Variants in SLC12A4 observed in about 807,000 individuals in gnomAD.
SLC12A4 encodes electroneutral potassium-chloride cotransporter 1.
In SLC12A4, 84 loss-of-function variants were observed where a neutral mutation model predicts 119.2. The ratio of observed to expected loss-of-function variants is 0.70; its 90% CI spans 0.59 to 0.85. The LOEUF is 0.85. Ranked by LOEUF, SLC12A4 falls within the 40% of genes least tolerant of loss-of-function variation. The pLI is 0.00. For synonymous variants in SLC12A4, 599 were observed against 604.6 expected (o/e 0.99, Z 0.14); for missense variants, 1,298 against 1,476.3 (o/e 0.88, Z 1.98).
At position 67,950,300 on chromosome 16, in the gene SLC12A4, G is replaced by A. The variant is rs1410874334; in HGVS notation, c.1629+19C>T. Reference sequence around the variant, plus strand: ...GGCCTGGGAGCAGCCAGGCCATGGGGGAGTGCAGAGGGGCTCACCCGGAGG... The same window carrying A: ...GGCCTGGGAGCAGCCAGGCCATGGGAGAGTGCAGAGGGGCTCACCCGGAGG... On this transcript the variant is annotated intron_variant, in intron 12 of 23. Transcript: ENST00000316341. This position sits in a 1 kb window ranked among gnomAD's most constrained non-coding sequence, Gnocchi z 4.3. 1.2e-6 allele frequency: 2 copies of A among 1,611,178 alleles called. No homozygotes were observed. The highest frequency in any genetic ancestry group is 1.7e-6 in the Non-Finnish European group (2 of 1,178,654).
At position 67,943,488 on chromosome 16, in the gene SLC12A4, C is replaced by A; in HGVS notation, c.*1352G>T. 1.9e-6 allele frequency: 1 copy of A among 540,378 alleles called. No individual in the cohort carries two copies. The highest frequency in any genetic ancestry group is 3.4e-6 in the Non-Finnish European group (1 of 298,336). The allele number at this position is 540,378 out of a possible 1,614,324, so 33.5% of individuals were successfully genotyped here. The stretch of plus-strand genomic sequence containing the variant: ...CAGAGCAAACACCCAGTCTGGCGCT[C>A]CTTTATTGCCAAAGTCCAAGGTGGG... On this transcript the variant is annotated 3_prime_UTR_variant, in exon 24 of 24. Transcript: ENST00000316341. This position sits in a 1 kb window ranked among gnomAD's most constrained non-coding sequence, Gnocchi z 4.6.
Position 67,943,873 on chromosome 16 carries a change from G to T in SLC12A4, c.*967C>A, listed in dbSNP as rs2058310679. 4.3e-6 allele frequency: 6 copies of T among 1,397,272 alleles called. No homozygotes were observed. The South Asian group carries it at 6.9e-5, about 16-fold the overall frequency. The allele number at this position is 1,397,272 out of a possible 1,614,324, so 86.6% of individuals were successfully genotyped here. ...ATGCAGGGCAGAAGGGCTTTGGCCAGGTCAGCTGCCAGGGGCTGGGGCCCA... is the reference window on the plus strand; with the variant it reads ...ATGCAGGGCAGAAGGGCTTTGGCCATGTCAGCTGCCAGGGGCTGGGGCCCA... On this transcript the variant is annotated 3_prime_UTR_variant, in exon 24 of 24. Coordinates refer to ENST00000316341, the MANE Select transcript of SLC12A4 (RefSeq NM_005072.5). This position sits in a 1 kb window ranked among gnomAD's most constrained non-coding sequence, Gnocchi z 4.6.
rs779541244 is a variant in SLC12A4, at chr16:67,951,235, G to A, written c.1202C>T (p.Ala401Val). Residue 401 changes from alanine to valine, a missense_variant, in exon 9 of 24, where the codon GCC (alanine) becomes GTC (valine). Coordinates refer to ENST00000316341, the MANE Select transcript of SLC12A4 (RefSeq NM_005072.5). The surrounding 1 kb of genome is among the most constrained non-coding windows in gnomAD (Gnocchi z 5.2). The part of the protein sequence containing the change: ...VEKHGLPSAD[A>V]PSLKESLPLY... Reference sequence around the variant, plus strand: ...AGGCAGGCTCTCCTTCAGGCTCGGGGCATCTGCGGAGGGCAGCCCATGCTT... The same window carrying A: ...AGGCAGGCTCTCCTTCAGGCTCGGGACATCTGCGGAGGGCAGCCCATGCTT... The A allele has an allele frequency of 6.2e-7, 1 of 1,614,096 alleles. No homozygotes were observed. The highest frequency in any genetic ancestry group is 1.3e-5 in the African/African-American group (1 of 75,038).
At position 67,950,983 on chromosome 16, in the gene SLC12A4, T is replaced by C; in HGVS notation, c.1375A>G (p.Ile459Val). The change falls in exon 10 of 24, where the codon ATC (isoleucine) becomes GTC (valine). Residue 459 changes from isoleucine (I) to valine (V), a missense_variant. Physicochemically the swap from Ile to Val is conservative, Grantham distance 29 (BLOSUM62 3). Coordinates refer to ENST00000316341, the MANE Select transcript of SLC12A4 (RefSeq NM_005072.5). This position sits in a 1 kb window ranked among gnomAD's most constrained non-coding sequence, Gnocchi z 4.3. The stretch of plus-strand genomic sequence containing the variant: ...ATACACACGAGGGAAGTTGTAATGA[T>C]GGCCAGAATGGTCCCCACAGGGATA... ...KSIPVGTILA[I>V]ITTSLVYFSS... 1 of 1,613,778 alleles carries C rather than the reference T, an allele frequency of 6.2e-7. No homozygotes were observed. Among genetic ancestry groups the C allele is most frequent in the Non-Finnish European group, 8.5e-7 (1 of 1,179,966 alleles).
Position 67,943,529 on chromosome 16 carries a change from G to C in SLC12A4, c.*1311C>G. 1 of 516,456 alleles carries C rather than the reference G, an allele frequency of 1.9e-6. No individual in the cohort carries two copies. The highest frequency in any genetic ancestry group is 3.2e-5 in the Admixed American group (1 of 31,108). The allele number at this position is 516,456 out of a possible 1,614,324, so 32.0% of individuals were successfully genotyped here. On this transcript the variant is annotated 3_prime_UTR_variant, in exon 24 of 24. Coordinates refer to ENST00000316341, the MANE Select transcript of SLC12A4 (RefSeq NM_005072.5). The surrounding 1 kb of genome is among the most constrained non-coding windows in gnomAD (Gnocchi z 4.6). ...CCAAGGTGGGAACAGATAGGTCTGG[G>C]GGCATGGGGGCTGGGCCTAATAGGG...
Position 67,950,073 on chromosome 16 carries a change from C to A in SLC12A4, c.1630-155G>T. 1 of 704,822 alleles carries A rather than the reference C, an allele frequency of 1.4e-6. No homozygotes were observed. The highest frequency in any genetic ancestry group is 1.7e-5 in the South Asian group (1 of 58,000). The allele number at this position is 704,822 out of a possible 1,614,324, so 43.7% of individuals were successfully genotyped here. ...ATGGGTGTCACCAGTCTCCCTGATT[C>A]CACCTCACCAGGCCTCTCTCCTTTG... On this transcript the variant is annotated intron_variant, in intron 12 of 23. Transcript: ENST00000316341. The surrounding 1 kb of genome is among the most constrained non-coding windows in gnomAD (Gnocchi z 4.3).
In SLC12A4 at chr16:67,968,436, C is replaced by T; in HGVS notation, c.115+3G>A. 6.4e-7 allele frequency: 1 copy of T among 1,568,672 alleles called. No homozygotes were observed. Among genetic ancestry groups the T allele is most frequent in the Non-Finnish European group, 8.6e-7 (1 of 1,164,228 alleles). ...GCCACGGCCCCTCAGAACGCGCCCT[C>T]ACCGTCCGAGTCATCCAGCTCGGCG... On this transcript the variant is annotated splice_donor_region_variant and intron_variant, in intron 1 of 23. Transcript: ENST00000316341.
Position 67,961,683 on chromosome 16 carries a change from C to T in SLC12A4, c.234G>A (p.Lys78=). 1 of 1,614,160 alleles carries T rather than the reference C, an allele frequency of 6.2e-7. No homozygotes were observed. Among genetic ancestry groups the T allele is most frequent in the Non-Finnish European group, 8.5e-7 (1 of 1,180,012 alleles). The change falls in exon 3 of 24, where the codon AAG becomes AAA. Residue 78 remains lysine (K), a synonymous_variant. Coordinates refer to ENST00000316341, the MANE Select transcript of SLC12A4 (RefSeq NM_005072.5). The part of the protein sequence containing the change: ...LFEEELDIRP[K]VSSLLGKLVS... ...CGAGCTTTCCCAGAAGAGACGATAC[C>T]TTTGGGCGGATGTCCAGCTCTTCCT...
In SLC12A4 at chr16:67,968,501, T is replaced by C; in HGVS notation, c.53A>G (p.Asp18Gly). The C allele has an allele frequency of 6.3e-7, 1 of 1,585,452 alleles. No homozygotes were observed. Among genetic ancestry groups the C allele is most frequent in the Non-Finnish European group, 8.5e-7 (1 of 1,170,194 alleles). ...PVDGPRRGDYDNLEGLSWVDY... is the reference protein window; with the variant it reads ...PVDGPRRGDYGNLEGLSWVDY... ...CACCCAACTGAGCCCCTCGAGGTTGTCATAGTCGCCGCGCCTCGGCCCGTC... is the reference window on the plus strand; with the variant it reads ...CACCCAACTGAGCCCCTCGAGGTTGCCATAGTCGCCGCGCCTCGGCCCGTC... Residue 18 changes from aspartate (D) to glycine (G), a missense_variant, in exon 1 of 24, where the codon GAC becomes GGC. Transcript: ENST00000316341.
Position 67,944,500 on chromosome 16 carries a change from C to CCAAA in SLC12A4, c.*336_*339dup, listed in dbSNP as rs2058318498. 8.0e-7 allele frequency: 1 copy of CCAAA among 1,251,556 alleles called. No individual in the cohort carries two copies. The highest frequency in any genetic ancestry group is 1.0e-6 in the Non-Finnish European group (1 of 995,074). 77.5% of individuals were successfully genotyped at this position (1,251,556 alleles called of 1,614,324 possible). A position where few individuals can be genotyped will look rare whatever the true frequency, so the allele number is the denominator to read the frequency against. On this transcript the variant is annotated 3_prime_UTR_variant, in exon 24 of 24. Transcript: ENST00000316341. This position sits in a 1 kb window ranked among gnomAD's most constrained non-coding sequence, Gnocchi z 6.6. ...TTCCCTTCGTCTCTGATGGTGACAT[C>CCAAA]CAAACAATAAATATGCAATAAATAG...
chr16:67,947,160 CCCT>C, intron 16 of SLC12A4, 55 bp from the exon 17 acceptor site: 1 of 1,536,690 alleles, frequency 6.5e-7, no homozygotes, highest in South Asian at 1.2e-5. Flanking sequence ...TCTAGGGAGC[CCCT>C]CCTCTTCTTC....
In SLC12A4 at chr16:67,957,884, G is replaced by A. The variant is rs1234527598; in HGVS notation, c.489+14C>T. On this transcript the variant is annotated intron_variant, in intron 4 of 23. Coordinates refer to ENST00000316341, the MANE Select transcript of SLC12A4 (RefSeq NM_005072.5). ...CCCATGCCCAGCCCAACCCTCCCAC[G>A]CCAGGACACTCACACAACAGCAGCA... 6.6e-6 allele frequency: 10 copies of A among 1,509,806 alleles called. No individual in the cohort carries two copies. In the East Asian group the frequency reaches 9.8e-5, roughly 15 times the overall value. The allele number at this position is 1,509,806 out of a possible 1,614,324, so 93.5% of individuals were successfully genotyped here.
chr16:67,943,605 T>G lies in SLC12A4; in HGVS notation c.*1235A>C, dbSNP rs2058307085. 4 of 498,920 alleles carry G rather than the reference T, an allele frequency of 8.0e-6. No homozygotes were observed. Among genetic ancestry groups the G allele is most frequent in the Non-Finnish European group, 1.5e-5 (4 of 274,054 alleles). The allele number at this position is 498,920 out of a possible 1,614,324, so 30.9% of individuals were successfully genotyped here. A position where few individuals can be genotyped will look rare whatever the true frequency, so the allele number is the denominator to read the frequency against. On this transcript the variant is annotated 3_prime_UTR_variant, in exon 24 of 24. Coordinates refer to ENST00000316341, the MANE Select transcript of SLC12A4 (RefSeq NM_005072.5). The surrounding 1 kb of genome is among the most constrained non-coding windows in gnomAD (Gnocchi z 4.6). ...CTCACCGATCCTGGGCTGGGCATCT[T>G]GTCCTTGGTGGGTGGGGGCCAAGGA... is the stretch of plus-strand genomic sequence containing the variant.
intron 5 of SLC12A4, among the ~76,000 whole-genome samples, chr16:67,956,833 C>CATATATAT (rs3842354): frequency 2.0e-4 from 30 of 149,298 alleles, no homozygotes; most frequent in South Asian, 8.5e-4. Flanking sequence ...CACACACACA[C>CATATATAT]ATATATATAT....
chr16:67,956,456 T>C (rs747475205), intron 5 of SLC12A4, among the ~76,000 whole-genome samples: 1 of 151,874 alleles, frequency 6.6e-6, no homozygotes. Context: ...GAGGCAGAGG[T>C]GGGTGGATCA....
chr16:67,957,169 ATTT>A (rs34469845), intron 5 of SLC12A4, among the ~76,000 whole-genome samples: 1 of 120,756 alleles, frequency 8.3e-6, no homozygotes. Flanking sequence ...TGCCTGGCTA[ATTT>A]TTTTTTTTTT....
rs374122570 is a variant in SLC12A4 at position 67,950,915 on chromosome 16, C to T, written c.1396+47G>A. 88 of 1,590,274 alleles carry T rather than the reference C, an allele frequency of 5.5e-5. No individual in the cohort carries two copies. Among genetic ancestry groups the T allele is most frequent in the South Asian group, 1.4e-4 (13 of 90,186 alleles). On this transcript the variant is annotated intron_variant, in intron 10 of 23. Coordinates refer to ENST00000316341, the MANE Select transcript of SLC12A4 (RefSeq NM_005072.5). The surrounding 1 kb of genome is among the most constrained non-coding windows in gnomAD (Gnocchi z 4.3). ...GACCTGGCAACGTACACAGGCCAAG[C>T]GCTTCCCGTCCTCTGCCCCACCTGC... is the stretch of plus-strand genomic sequence containing the variant.
At chr16:67,953,355 C>A (rs1157454620) in intron 6 of SLC12A4, among the ~76,000 whole-genome samples, 1 of 152,152 alleles carries the variant, frequency 6.6e-6, no homozygotes. Flanking sequence ...CCACTGCACT[C>A]CAGCTTGGGC....
At chr16:67,955,543 G>A (rs376224075) in intron 5 of SLC12A4, among the ~76,000 whole-genome samples, 2 of 152,046 alleles carry the variant, frequency 1.3e-5, no homozygotes, top group Admixed American at 6.6e-5. Context: ...GCAACATGGC[G>A]AGACCCCGTC....
Sources: allele counts gnomAD v4.1 joint callset (sites outside exome capture counted in the v4.1 genomes callset), GRCh38; gene constraint gnomAD v4.1.1; non-coding constraint Gnocchi (gnomAD v3.1); transcripts MANE v1.5; gene names NCBI Gene and HGNC (gene_info 2026-07-23, HGNC 2026-07-21).